The following SH3BGRL2 variants were observed in gnomAD, a reference collection of about 807,000 sequenced individuals.
SH3BGRL2 encodes the protein SH3 domain-binding glutamic acid-rich-like protein 2.
A neutral mutation model predicts 14.8 loss-of-function variants in SH3BGRL2; 21 were observed. That is an observed-to-expected ratio of 1.42 (90% CI 1.01 to 2.05). SH3BGRL2 has a LOEUF of 2.05. Ranked by LOEUF, SH3BGRL2 falls within the 30% of genes most tolerant of loss-of-function variation. The pLI is 0.00. For missense variants in SH3BGRL2, 147 were observed against 130.8 expected, an observed-to-expected ratio of 1.12 and a Z score of -0.61; for synonymous variants, 50 against 47.8, an observed-to-expected ratio of 1.05 and a Z score of -0.19.
the SH3BGRL2 span, among the ~76,000 whole-genome samples, chr6:79,596,541 C>T: frequency 6.6e-6 from 1 of 152,202 alleles, no homozygotes; most frequent in East Asian, 1.9e-4. Flanking sequence ...GCAATCCTCC[C>T]ACCTTGGCCT....
At chr6:79,548,072 T>C in the SH3BGRL2 span, among the ~76,000 whole-genome samples, 1 of 152,078 alleles carries the variant, frequency 6.6e-6, no homozygotes, top group African/African-American at 2.4e-5. Context: ...TCTCACTATG[T>C]TGCCTAGGCT....
chr6:79,545,092 A>G, the SH3BGRL2 span, among the ~76,000 whole-genome samples: 1 of 152,222 alleles, frequency 6.6e-6, no homozygotes, highest in Non-Finnish European at 1.5e-5. Context: ...GAAGTCGTCA[A>G]GCTTCTCAGC....
chr6:79,683,575 A>G (rs1770033303), intron 2 of SH3BGRL2, among the ~76,000 whole-genome samples: 2 of 151,860 alleles, frequency 1.3e-5, no homozygotes, highest in African/African-American at 4.8e-5. Flanking sequence ...CAGCCTCCCG[A>G]GTAGCTGGGA....
At chr6:79,539,832 A>T in the SH3BGRL2 span, among the ~76,000 whole-genome samples, 2 of 152,234 alleles carry the variant, frequency 1.3e-5, no homozygotes, top group Non-Finnish European at 2.9e-5. Flanking sequence ...GACATACTAT[A>T]TATAGTATCT....
At chr6:79,693,272 T>C (rs1427564683) in intron 2 of SH3BGRL2, among the ~76,000 whole-genome samples, 1 of 152,006 alleles carries the variant, frequency 6.6e-6, no homozygotes, top group African/African-American at 2.4e-5. Flanking sequence ...GACAATGGGG[T>C]TTTCTAGATA....
chr6:79,699,412 A>C, intron 3 of SH3BGRL2, 86 bp from the exon 4 acceptor site: 1 of 1,433,648 alleles, frequency 7.0e-7, no homozygotes, highest in Non-Finnish European at 9.2e-7. Context: ...CTGACATTTA[A>C]AAAACCCCTG....
the SH3BGRL2 span, among the ~76,000 whole-genome samples, chr6:79,548,173 G>A: frequency 1.8e-4 from 27 of 151,998 alleles, no homozygotes; most frequent in Non-Finnish European, 8.8e-5. Flanking sequence ...CCAGCCATAC[G>A]TAATTTTGTA....
In SH3BGRL2 at chr6:79,703,123, A is replaced by C. The variant is rs902404148; in HGVS notation, c.*3614A>C. On this transcript the variant is annotated 3_prime_UTR_variant, in exon 4 of 4. Transcript: ENST00000369838. ...TCAGAGTTTTCCTAGTTCTTCTAGA[A>C]ATACATGTCAGGTTTGTTTGTTCAT... 1 of 152,184 alleles carries C rather than the reference A, an allele frequency of 6.6e-6. No individual in the cohort carries two copies. Among genetic ancestry groups the C allele is most frequent in the Non-Finnish European group, 1.5e-5 (1 of 68,040 alleles). 9.4% of individuals were successfully genotyped at this position (152,184 alleles called of 1,614,324 possible).
chr6:79,606,927 T>C, the SH3BGRL2 span, among the ~76,000 whole-genome samples: 1 of 152,212 alleles, frequency 6.6e-6, no homozygotes, highest in Non-Finnish European at 1.5e-5. Flanking sequence ...TTTCCCCTGG[T>C]TGTTTAAAAG....
the SH3BGRL2 span, among the ~76,000 whole-genome samples, chr6:79,570,858 G>T: frequency 2.0e-5 from 3 of 152,142 alleles, no homozygotes; most frequent in African/African-American, 7.2e-5. Context: ...TGTTTTATTT[G>T]CATAACTGCT....
chr6:79,575,853 A>G, the SH3BGRL2 span, among the ~76,000 whole-genome samples: 1 of 151,820 alleles, frequency 6.6e-6, no homozygotes, highest in Non-Finnish European at 1.5e-5. Context: ...ATTGGTTGTG[A>G]TTACTGATAT....
At chr6:79,592,373 C>T in the SH3BGRL2 span, among the ~76,000 whole-genome samples, 2 of 152,084 alleles carry the variant, frequency 1.3e-5, no homozygotes, top group East Asian at 3.9e-4. Context: ...TCAAAAAGCT[C>T]ACATTTCAAC....
chr6:79,660,758 C>A (rs1769528133), intron 1 of SH3BGRL2, among the ~76,000 whole-genome samples: 1 of 152,156 alleles, frequency 6.6e-6, no homozygotes, highest in South Asian at 2.1e-4. Flanking sequence ...GGCTGTGAAT[C>A]GGTCTGGTCC....
upstream of SH3BGRL2, among the ~76,000 whole-genome samples, chr6:79,628,302 T>C (rs1416008921): frequency 1.3e-5 from 2 of 151,446 alleles, no homozygotes; most frequent in African/African-American, 4.8e-5. Flanking sequence ...AAACCACCGA[T>C]AGATTTCATC....
At chr6:79,658,397 G>C (rs941445264) in intron 1 of SH3BGRL2, among the ~76,000 whole-genome samples, 2 of 152,122 alleles carry the variant, frequency 1.3e-5, no homozygotes, top group Non-Finnish European at 2.9e-5. Context: ...GCGTTGTTTG[G>C]TTTTCTGTCC....
At chr6:79,663,331 G>A (rs960490904) in intron 1 of SH3BGRL2, among the ~76,000 whole-genome samples, 3 of 152,134 alleles carry the variant, frequency 2.0e-5, no homozygotes, top group Admixed American at 2.0e-4. Context: ...TGGTGTTTTT[G>A]TGTGGATGTC....
At chr6:79,558,387 T>C in the SH3BGRL2 span, among the ~76,000 whole-genome samples, 3 of 152,198 alleles carry the variant, frequency 2.0e-5, no homozygotes, top group African/African-American at 7.2e-5. Flanking sequence ...AGCCCAGTTT[T>C]CTATGGTTAT....
At chr6:79,644,538 G>A (rs1769090463) in intron 1 of SH3BGRL2, among the ~76,000 whole-genome samples, 1 of 152,190 alleles carries the variant, frequency 6.6e-6, no homozygotes, top group African/African-American at 2.4e-5. Context: ...TATTGAGAGA[G>A]CCTCATAAGC....
At chr6:79,580,611 C>A in the SH3BGRL2 span, among the ~76,000 whole-genome samples, 1 of 152,140 alleles carries the variant, frequency 6.6e-6, no homozygotes, top group Admixed American at 6.5e-5. Context: ...AAAGACACAA[C>A]ACATCAGAAT....
Sources: gnomAD v4.1 joint callset for allele counts (sites outside exome capture counted in the v4.1 genomes callset) on GRCh38, gnomAD v4.1.1 for gene constraint, MANE v1.5 for transcripts, NCBI Gene and HGNC (gene_info 2026-07-23, HGNC 2026-07-21) for gene names.